Variants in URB1 observed in about 807,000 individuals in gnomAD.
URB1 encodes the protein nucleolar pre-ribosomal-associated protein 1.
In URB1, 197 loss-of-function variants were observed where a neutral mutation model predicts 242.3. The observed-to-expected ratio is 0.81, with a 90% confidence interval of 0.72 to 0.91. The LOEUF (loss-of-function observed/expected upper bound fraction) is 0.91, where lower values mean the gene tolerates loss of function less well. Ranked by LOEUF, URB1 falls within the 40% of genes least tolerant of loss-of-function variation. The probability of loss-of-function intolerance (pLI) is 0.00; values close to 1 mark genes in which losing one functional copy is unlikely to be tolerated. For synonymous variants in URB1, 1,153 were observed against 1,201.8 expected (o/e 0.96, Z 0.84); for missense variants, 2,721 against 2,860.5 (o/e 0.95, Z 1.11).
chr21:32,368,583 T>C lies in URB1; in HGVS notation c.1017A>G (p.Thr339=). ...LGTFGRGGNL[T]LLHFLLGLKT... ...TCAAACCCAGCAAGAAGTGCAAGAG[T>C]GTCAGGTTTCCGCCTCTGTTAGAGA... Residue 339 remains threonine (T), a synonymous_variant, in exon 9 of 39, where the codon ACA becomes ACG. Transcript: ENST00000382751. 1.3e-6 allele frequency: 2 copies of C among 1,550,018 alleles called. No homozygotes were observed. Among genetic ancestry groups the C allele is most frequent in the Non-Finnish European group, 1.7e-6 (2 of 1,146,480 alleles).
intron 17 of URB1, 70 bp downstream of exon 17, chr21:32,354,789 C>T: frequency 6.6e-7 from 1 of 1,507,382 alleles, no homozygotes; most frequent in South Asian, 1.3e-5. Context: ...TTCTTGTTCT[C>T]AATCTCTTAA....
chr21:32,355,065 G>A, intron 16 of URB1, 68 bp from the exon 17 acceptor site: 1 of 1,480,322 alleles, frequency 6.8e-7, no homozygotes, highest in Non-Finnish European at 9.0e-7. Flanking sequence ...GCCAAAAAAT[G>A]TCACTGGTCA....
chr21:32,314,972 C>T lies in URB1; in HGVS notation c.6762G>A (p.Glu2254=). The change falls in exon 39 of 39, where the codon GAG becomes GAA. Residue 2254 remains glutamate (E), a synonymous_variant. Transcript: ENST00000382751. ...CCTTGCAGAGCACCACGATGGCCTC[C>T]TCTTCACTGCTCGGGGCATCATCTG... ...EAADDAPSSE[E]EAIVVLCKDA... 6.4e-7 allele frequency: 1 copy of T among 1,551,692 alleles called. No individual in the cohort carries two copies. Among genetic ancestry groups the T allele is most frequent in the Non-Finnish European group, 8.7e-7 (1 of 1,147,000 alleles).
At chr21:32,324,689 C>T (rs2032808060) in intron 31 of URB1, 87 bp from the exon 32 acceptor site, 4 of 1,012,620 alleles carry the variant, frequency 4.0e-6, no homozygotes, top group East Asian at 2.6e-5. Context: ...AACCAGGGCT[C>T]GGCAGGGTGT....
intron 2 of URB1, 107 bp downstream of exon 2, chr21:32,385,438 T>A (rs1005840909): frequency 7.0e-7 from 1 of 1,432,480 alleles, no homozygotes; most frequent in Admixed American, 2.5e-5. Context: ...AGCATCATTT[T>A]CTATAGAAAG....
Position 32,311,583 on chromosome 21 carries a change from T to C in URB1, c.*3335A>G. 1 of 1,515,420 alleles carries C rather than the reference T, an allele frequency of 6.6e-7. No individual in the cohort carries two copies. Among genetic ancestry groups the C allele is most frequent in the South Asian group, 1.3e-5 (1 of 76,938 alleles). The allele number at this position is 1,515,420 out of a possible 1,614,324, so 93.9% of individuals were successfully genotyped here. A position where few individuals can be genotyped will look rare whatever the true frequency, so the allele number is the denominator to read the frequency against. ...TGCCTGTGTGGCCTTCCCTATGGGGTCCGGGCAGATGGCAGGTGTGGCAGG... is the reference window on the plus strand; with the variant it reads ...TGCCTGTGTGGCCTTCCCTATGGGGCCCGGGCAGATGGCAGGTGTGGCAGG... On this transcript the variant is annotated 3_prime_UTR_variant, in exon 39 of 39. Transcript: ENST00000382751.
At chr21:32,374,669 T>C (rs2033440234) in intron 6 of URB1, among the ~76,000 whole-genome samples, 1 of 152,204 alleles carries the variant, frequency 6.6e-6, no homozygotes, top group African/African-American at 2.4e-5. Flanking sequence ...TACTGACACT[T>C]GGGGCCAGGT....
chr21:32,332,122 C>T (rs914572072), intron 30 of URB1, among the ~76,000 whole-genome samples: 7 of 152,198 alleles, frequency 4.6e-5, no homozygotes, highest in African/African-American at 1.4e-4. Context: ...ACAGGTGAAG[C>T]AGTATGAATC....
intron 30 of URB1, 109 bp downstream of exon 30, chr21:32,333,208 C>T: frequency 3.3e-6 from 3 of 904,658 alleles, no homozygotes; most frequent in Non-Finnish European, 5.3e-6. Context: ...AGAATTATTT[C>T]CAAGATTCAG....
At chr21:32,331,906 C>G (rs1026013726) in intron 30 of URB1, among the ~76,000 whole-genome samples, 1 of 152,334 alleles carries the variant, frequency 6.6e-6, no homozygotes, top group South Asian at 2.1e-4. Flanking sequence ...CTCCTCCTGC[C>G]CCCACTGGGG....
Position 32,373,773 on chromosome 21 carries a change from C to A in URB1, c.751-1G>T. On this transcript the variant is annotated splice_acceptor_variant, in intron 6 of 38. Coordinates refer to ENST00000382751, the MANE Select transcript of URB1 (RefSeq NM_014825.3). LOFTEE classifies it high-confidence loss of function. ...TTGTGATATTTTTATTGTGAACTACCTGAAACAATAATAAAACAAATTATT... is the reference window on the plus strand; with the variant it reads ...TTGTGATATTTTTATTGTGAACTACATGAAACAATAATAAAACAAATTATT... 1.3e-6 allele frequency: 2 copies of A among 1,513,976 alleles called. No homozygotes were observed. The highest frequency in any genetic ancestry group is 1.8e-6 in the Non-Finnish European group (2 of 1,135,922). 93.8% of individuals were successfully genotyped at this position (1,513,976 alleles called of 1,614,324 possible).
intron 10 of URB1, among the ~76,000 whole-genome samples, chr21:32,364,538 A>G (rs2033324032): frequency 6.6e-6 from 1 of 152,178 alleles, no homozygotes; most frequent in East Asian, 1.9e-4. Context: ...CTCTGTGTAC[A>G]CTGCACACTA....
In URB1 at chr21:32,334,329, A is replaced by G. The variant is rs148134142; in HGVS notation, c.4691T>C (p.Leu1564Pro). The G allele has an allele frequency of 1.2e-3, 1,855 of 1,544,644 alleles. 40 individuals carry two copies. In the East Asian group the frequency reaches 0.042, roughly 35 times the overall value. Residue 1564 changes from leucine (L) to proline (P), a missense_variant, in exon 29 of 39, where the codon CTG (leucine) becomes CCG (proline). Coordinates refer to ENST00000382751, the MANE Select transcript of URB1 (RefSeq NM_014825.3). ...CTCCACGGCCGCTGGGCCCCACAGC[A>G]GCACCCTAGAGCCAGAAAAGGGAAA... is the stretch of plus-strand genomic sequence containing the variant. ...NKLSLINFRV[L>P]LWGPAAVEHH...
intron 9 of URB1, 43 bp downstream of exon 9, chr21:32,368,360 G>C: frequency 6.7e-7 from 1 of 1,483,118 alleles, no homozygotes; most frequent in Non-Finnish European, 9.0e-7. Flanking sequence ...GAGCCACCAC[G>C]CCCAGCTTAG....
chr21:32,345,371 T>A lies in URB1; in HGVS notation c.4070+3A>T. On this transcript the variant is annotated splice_donor_region_variant and intron_variant, in intron 23 of 38. Coordinates refer to ENST00000382751, the MANE Select transcript of URB1 (RefSeq NM_014825.3). ...ATCCTGCAACCAACCTGAGCCTTCA[T>A]ACCTCTTGTGACTGCTTGGGGTGTG... 3 of 1,550,684 alleles carry A rather than the reference T, an allele frequency of 1.9e-6. No homozygotes were observed. The highest frequency in any genetic ancestry group is 2.6e-6 in the Non-Finnish European group (3 of 1,146,654).
intron 38 of URB1, 101 bp downstream of exon 38, chr21:32,316,365 G>A: frequency 1.4e-6 from 2 of 1,428,962 alleles, no homozygotes; most frequent in Non-Finnish European, 9.2e-7. Context: ...AGCTGAGGAA[G>A]TCAGCAGAAA....
At chr21:32,325,465 T>C (rs920344194) in intron 30 of URB1, 76 bp from the exon 31 acceptor site, 7 of 1,472,800 alleles carry the variant, frequency 4.8e-6, no homozygotes, top group African/African-American at 2.8e-5. Context: ...GAATTAAATT[T>C]CCTCTTGTGT....
intron 30 of URB1, among the ~76,000 whole-genome samples, chr21:32,329,924 T>C (rs1251477814): frequency 6.6e-6 from 1 of 152,194 alleles, no homozygotes. Context: ...TACATGAAGT[T>C]CAAATACAGG....
intron 10 of URB1, 116 bp downstream of exon 10, chr21:32,366,501 GC>G: frequency 7.1e-7 from 1 of 1,409,536 alleles, no homozygotes; most frequent in Non-Finnish European, 9.5e-7. Flanking sequence ...AGCCTCCGAG[GC>G]CCCCTGACAA....
Sources: allele counts gnomAD v4.1 joint callset (sites outside exome capture counted in the v4.1 genomes callset), GRCh38; gene constraint gnomAD v4.1.1; transcripts MANE v1.5; gene names NCBI Gene and HGNC (gene_info 2026-07-23, HGNC 2026-07-21).